The following TXN2 variants were observed in gnomAD, a reference collection of about 807,000 sequenced individuals.
TXN2 encodes thioredoxin 2, also known as thioredoxin, mitochondrial.
TXN2 carries 12 observed loss-of-function variants against 14.6 expected under a neutral mutation model. The observed-to-expected ratio is 0.82, with a 90% CI of 0.53 to 1.33. The LOEUF (loss-of-function observed/expected upper bound fraction) is 1.33, where lower values mean the gene tolerates loss of function less well. Ranked by LOEUF, TXN2 falls within the 40% of genes most tolerant of loss-of-function variation. The pLI is 0.00. For synonymous variants in TXN2, 89 were observed against 81.0 expected (o/e 1.10, Z -0.53); for missense variants, 173 against 207.7 (o/e 0.83, Z 1.03).
At chr22:36,470,325 T>A (rs1223730203) in intron 3 of TXN2, among the ~76,000 whole-genome samples, 1 of 152,226 alleles carries the variant, frequency 6.6e-6, no homozygotes, top group Non-Finnish European at 1.5e-5. Context: ...TGGGCTGATG[T>A]GGGTGGCAAA....
chr22:36,472,907 G>C (rs1265188602), intron 3 of TXN2, among the ~76,000 whole-genome samples: 1 of 151,900 alleles, frequency 6.6e-6, no homozygotes, highest in Non-Finnish European at 1.5e-5. Flanking sequence ...AGTCAATCTG[G>C]GGCCTTCAGA....
At chr22:36,471,897 G>A (rs1933284885) in intron 3 of TXN2, among the ~76,000 whole-genome samples, 1 of 151,816 alleles carries the variant, frequency 6.6e-6, no homozygotes, top group Non-Finnish European at 1.5e-5. Flanking sequence ...TTGAATGCGG[G>A]AGATGGAGGT....
intron 2 of TXN2, among the ~76,000 whole-genome samples, chr22:36,477,085 A>C (rs1283678999): frequency 1.3e-5 from 2 of 152,246 alleles, no homozygotes; most frequent in East Asian, 3.8e-4. Context: ...CTCATAATAA[A>C]AGTGACTCAT....
chr22:36,476,963 C>G, intron 2 of TXN2, 107 bp from the exon 3 acceptor site: 1 of 1,534,636 alleles, frequency 6.5e-7, no homozygotes, highest in Non-Finnish European at 8.8e-7. Flanking sequence ...CCCTTATTAT[C>G]TCTGTTTACC....
chr22:36,473,222 C>T (rs953637548), intron 3 of TXN2, among the ~76,000 whole-genome samples: 4 of 152,178 alleles, frequency 2.6e-5, no homozygotes, highest in Admixed American at 2.6e-4. Flanking sequence ...GCGGGCTGAT[C>T]ACCTGATGTC....
chr22:36,467,982 G>A, intron 3 of TXN2, 65 bp from the exon 4 acceptor site: 1 of 1,411,626 alleles, frequency 7.1e-7, no homozygotes, highest in South Asian at 1.2e-5. Flanking sequence ...TGCCACTCCT[G>A]AGCCTTTGTG....
intron 2 of TXN2, among the ~76,000 whole-genome samples, chr22:36,478,796 G>A (rs1172219684): frequency 2.6e-5 from 4 of 151,862 alleles, no homozygotes; most frequent in Admixed American, 6.6e-5. Flanking sequence ...GTGAAACCCC[G>A]TCTCTACTAA....
chr22:36,472,711 C>T (rs959476889), intron 3 of TXN2, among the ~76,000 whole-genome samples: 2 of 152,070 alleles, frequency 1.3e-5, no homozygotes, highest in Non-Finnish European at 2.9e-5. Context: ...TGCTGGAAAA[C>T]AGGGGAACCG....
chr22:36,472,798 C>T (rs779614999), intron 3 of TXN2, among the ~76,000 whole-genome samples: 4 of 152,152 alleles, frequency 2.6e-5, no homozygotes, highest in Non-Finnish European at 5.9e-5. Context: ...AACTTTCTCA[C>T]TGGCAAGCAG....
At chr22:36,478,469 A>G (rs1393582688) in intron 2 of TXN2, among the ~76,000 whole-genome samples, 1 of 152,218 alleles carries the variant, frequency 6.6e-6, no homozygotes, top group African/African-American at 2.4e-5. Context: ...CCTGGCTGAC[A>G]ACTCCTATTT....
intron 3 of TXN2, among the ~76,000 whole-genome samples, chr22:36,472,165 A>G (rs1027996753): frequency 6.6e-6 from 1 of 152,204 alleles, no homozygotes; most frequent in African/African-American, 2.4e-5. Flanking sequence ...GCTTTGTAAA[A>G]GCTTTTAGAT....
At chr22:36,470,965 A>G (rs1933260494) in intron 3 of TXN2, among the ~76,000 whole-genome samples, 1 of 148,092 alleles carries the variant, frequency 6.8e-6, no homozygotes, top group Non-Finnish European at 1.5e-5. Context: ...ACACACACGC[A>G]TACACACATA....
intron 2 of TXN2, among the ~76,000 whole-genome samples, chr22:36,478,101 C>A (rs955132539): frequency 7.1e-6 from 1 of 141,830 alleles, no homozygotes; most frequent in Non-Finnish European, 1.5e-5. Flanking sequence ...TGTGCCACTG[C>A]ACTCCAGCCT....
chr22:36,479,383 G>A (rs1163655669), intron 2 of TXN2, among the ~76,000 whole-genome samples: 11 of 150,876 alleles, frequency 7.3e-5, no homozygotes, highest in Non-Finnish European at 8.8e-5. Flanking sequence ...CCAGGCTGGA[G>A]TGCAATGGCG....
chr22:36,480,148 GC>G (rs1230494636), intron 2 of TXN2, among the ~76,000 whole-genome samples: 1 of 152,178 alleles, frequency 6.6e-6, no homozygotes, highest in Non-Finnish European at 1.5e-5. Context: ...CTCCCAAAGT[GC>G]TGGGATTACA....
intron 3 of TXN2, among the ~76,000 whole-genome samples, chr22:36,469,122 C>T (rs1933221193): frequency 6.6e-6 from 1 of 152,196 alleles, no homozygotes. Flanking sequence ...CGGCTCCTAC[C>T]AGCCAGGTGA....
At position 36,481,572 on chromosome 22, in the gene TXN2, A is replaced by C; in HGVS notation, c.-9T>G. 3.0e-6 allele frequency: 3 copies of C among 1,000,134 alleles called. No homozygotes were observed. The highest frequency in any genetic ancestry group is 3.6e-6 in the Non-Finnish European group (3 of 829,926). The allele number at this position is 1,000,134 out of a possible 1,614,324, so 62.0% of individuals were successfully genotyped here. A position where few individuals can be genotyped will look rare whatever the true frequency, so the allele number is the denominator to read the frequency against. On this transcript the variant is annotated 5_prime_UTR_variant, in exon 1 of 4. The change creates a new upstream start codon in the 5' untranslated region. Transcript: ENST00000216185. ...CCCCACAGGGCTCCTACCTCCCTGC[A>C]ATGCGAGCGGAGGGATGCACAGCCT...
chr22:36,473,170 T>C (rs945790141), intron 3 of TXN2, among the ~76,000 whole-genome samples: 4 of 151,918 alleles, frequency 2.6e-5, no homozygotes, highest in African/African-American at 7.3e-5. Flanking sequence ...AGGCCAGGTG[T>C]AGTGGCTCAC....
At chr22:36,479,231 C>G (rs1406207742) in intron 2 of TXN2, among the ~76,000 whole-genome samples, 5 of 152,136 alleles carry the variant, frequency 3.3e-5, no homozygotes, top group Non-Finnish European at 5.9e-5. Flanking sequence ...ACAAAGATAT[C>G]AAGTGGCCTG....
Sources: allele counts gnomAD v4.1 joint callset (sites outside exome capture counted in the v4.1 genomes callset), GRCh38; gene constraint gnomAD v4.1.1; transcripts MANE v1.5; gene names NCBI Gene and HGNC (gene_info 2026-07-23, HGNC 2026-07-21).